The following KSR1 variants were observed in gnomAD, a reference collection of about 807,000 sequenced individuals.
The protein encoded by KSR1 is kinase suppressor of ras.
Under a neutral mutation model 92.9 loss-of-function variants are expected in KSR1, and 35 were observed. That is an observed-to-expected ratio of 0.38 (90% CI 0.29 to 0.50). KSR1 has a LOEUF of 0.50. Ranked by LOEUF, KSR1 falls within the 20% of genes least tolerant of loss-of-function variation. The probability of loss-of-function intolerance (pLI) is 0.94; values close to 1 mark genes in which losing one functional copy is unlikely to be tolerated. For missense variants in KSR1, 972 were observed against 1,158.5 expected, an observed-to-expected ratio of 0.84 and a Z score of 2.34; for synonymous variants, 467 against 472.6, an observed-to-expected ratio of 0.99 and a Z score of 0.15.
At chr17:27,470,082 G>A (rs960756126) in intron 1 of KSR1, among the ~76,000 whole-genome samples, 1 of 146,600 alleles carries the variant, frequency 6.8e-6, no homozygotes, top group African/African-American at 2.6e-5. Flanking sequence ...TTGAGGCGGA[G>A]TATCGCTCTG....
In KSR1 at chr17:27,499,148, C is replaced by G. The variant is rs536081804; in HGVS notation, c.231+42274C>G. Among the ~76,000 whole-genome samples the G allele has an allele frequency of 1.5e-4, 23 of 152,262 alleles. No individual in the cohort carries two copies. The East Asian group carries it at 3.5e-3, about 23-fold the overall frequency. ...CAAGAGGAACAAGGGTGCGATCAGC[C>G]TGAGGCAGAAGCCAAGCAATACACC... On this transcript the variant is annotated intron_variant, in intron 1 of 20. Coordinates refer to ENST00000644974, the MANE Select transcript of KSR1 (RefSeq NM_001394583.1).
chr17:27,482,052 C>G (rs919971514), intron 1 of KSR1, among the ~76,000 whole-genome samples: 1 of 152,072 alleles, frequency 6.6e-6, no homozygotes, highest in African/African-American at 2.4e-5. Flanking sequence ...AATGTTATAG[C>G]GCATGCCAGC....
intron 1 of KSR1, among the ~76,000 whole-genome samples, chr17:27,517,847 G>A (rs570803252): frequency 6.6e-6 from 1 of 152,170 alleles, no homozygotes; most frequent in Non-Finnish European, 1.5e-5. Context: ...TAATTGTGGG[G>A]GTTGTAAGCT....
intron 2 of KSR1, among the ~76,000 whole-genome samples, chr17:27,554,684 T>C (rs1258138910): frequency 6.6e-6 from 1 of 152,208 alleles, no homozygotes. Context: ...TCATTATATA[T>C]TACAATGTAA....
At position 27,597,461 on chromosome 17, in the gene KSR1, G is replaced by T. The variant is rs748840122; in HGVS notation, c.1468+25G>T. The T allele has an allele frequency of 4.5e-5, 71 of 1,577,450 alleles. 1 individual carries two copies. In the South Asian group the frequency reaches 5.4e-4, roughly 12 times the overall value. ...GGTACCACATCTCCAGGCTTTTCTGGGTTCTAAGGGATACAGTCAGATCCC... is the reference window on the plus strand; with the variant it reads ...GGTACCACATCTCCAGGCTTTTCTGTGTTCTAAGGGATACAGTCAGATCCC... On this transcript the variant is annotated intron_variant, in intron 10 of 20. Coordinates refer to ENST00000644974, the MANE Select transcript of KSR1 (RefSeq NM_001394583.1).
intron 1 of KSR1, among the ~76,000 whole-genome samples, chr17:27,542,883 A>G (rs1009376141): frequency 7.2e-5 from 11 of 152,194 alleles, no homozygotes; most frequent in African/African-American, 2.4e-4. Flanking sequence ...GACTAAGATG[A>G]TATGATCTAG....
intron 1 of KSR1, among the ~76,000 whole-genome samples, chr17:27,506,266 T>G (rs536055015): frequency 8.7e-4 from 132 of 152,350 alleles, no homozygotes; most frequent in African/African-American, 2.9e-3. Context: ...TGGACCATCT[T>G]GCTTAAGTGA....
chr17:27,621,161 C>T lies in KSR1; in HGVS notation c.2628-32C>T, dbSNP rs545253293. 4.9e-3 allele frequency: 1,959 copies of T among 398,704 alleles called. 6 individuals carry two copies. Among genetic ancestry groups the T allele is most frequent in the Non-Finnish European group, 7.0e-3 (1,573 of 226,106 alleles). The allele number at this position is 398,704 out of a possible 1,614,324, so 24.7% of individuals were successfully genotyped here. Reference sequence around the variant, plus strand: ...CCGGGGCCGGACTGCGCTCTTCCCACGCCTGGTGGAATGGTCGCTGGGCAC... The same window carrying T: ...CCGGGGCCGGACTGCGCTCTTCCCATGCCTGGTGGAATGGTCGCTGGGCAC... On this transcript the variant is annotated intron_variant, in intron 19 of 20. Transcript: ENST00000644974.
Position 27,577,239 on chromosome 17 carries a change from G to A in KSR1, c.373-253G>A, listed in dbSNP as rs560059375. Among the ~76,000 whole-genome samples, 3 of 152,098 alleles carry A rather than the reference G, an allele frequency of 2.0e-5. No homozygotes were observed. The highest frequency in any genetic ancestry group is 2.9e-5 in the Non-Finnish European group (2 of 68,006). ...GAAACAAGCTGGGCAACATGCCCTC[G>A]TCCAAACCTTTCTGGTCTTTACTTC... On this transcript the variant is annotated intron_variant, in intron 2 of 20. Coordinates refer to ENST00000644974, the MANE Select transcript of KSR1 (RefSeq NM_001394583.1). This position sits in a 1 kb window ranked among gnomAD's most constrained non-coding sequence, Gnocchi z 4.5.
At chr17:27,498,028 C>A (rs982250213) in intron 1 of KSR1, among the ~76,000 whole-genome samples, 4 of 152,138 alleles carry the variant, frequency 2.6e-5, no homozygotes, top group African/African-American at 9.7e-5. Flanking sequence ...TAATATTTTA[C>A]CCTTAAAAAT....
At chr17:27,555,245 T>C (rs980537469) in intron 2 of KSR1, among the ~76,000 whole-genome samples, 4 of 152,180 alleles carry the variant, frequency 2.6e-5, no homozygotes, top group African/African-American at 9.7e-5. Flanking sequence ...GTAGGTGGGT[T>C]AAGCTCCATC....
At chr17:27,502,819 A>G (rs2069239515) in intron 1 of KSR1, among the ~76,000 whole-genome samples, 1 of 152,180 alleles carries the variant, frequency 6.6e-6, no homozygotes, top group Non-Finnish European at 1.5e-5. Flanking sequence ...GGCCAGGATG[A>G]CCTTGGGCCA....
chr17:27,591,616 A>G (rs1261636503), intron 7 of KSR1, among the ~76,000 whole-genome samples: 1 of 152,220 alleles, frequency 6.6e-6, no homozygotes, highest in Admixed American at 6.5e-5. Flanking sequence ...TCTTGTGCAT[A>G]TCAGCTGGAC....
intron 2 of KSR1, among the ~76,000 whole-genome samples, chr17:27,567,786 C>T (rs557692667): frequency 1.3e-5 from 2 of 152,312 alleles, no homozygotes; most frequent in East Asian, 1.9e-4. Flanking sequence ...TATATCCTGG[C>T]GTTGGTTACT....
chr17:27,600,188 A>G (rs2073504214), intron 10 of KSR1, among the ~76,000 whole-genome samples: 2 of 147,932 alleles, frequency 1.4e-5, no homozygotes. Flanking sequence ...TAATCCCAGC[A>G]CTTTGGGAGG....
chr17:27,488,041 C>T (rs1354103149), intron 1 of KSR1, among the ~76,000 whole-genome samples: 5 of 152,204 alleles, frequency 3.3e-5, no homozygotes, highest in Non-Finnish European at 7.3e-5. Context: ...ATATCACATA[C>T]CCAGTCCCAC....
intron 1 of KSR1, among the ~76,000 whole-genome samples, chr17:27,525,175 G>A (rs537027320): frequency 6.6e-6 from 1 of 152,336 alleles, no homozygotes; most frequent in Non-Finnish European, 1.5e-5. Context: ...CAGGTGGCCT[G>A]GGTTCAGATT....
rs2071746796 is a variant in KSR1 at position 27,559,798 on chromosome 17, G to A, written c.372+9090G>A. Among the ~76,000 whole-genome samples, 3 of 152,238 alleles carry A rather than the reference G, an allele frequency of 2.0e-5. No homozygotes were observed. The highest frequency in any genetic ancestry group is 2.0e-4 in the Admixed American group (3 of 15,288). ...GAAGAATATCTGCAGAGACCCTGAG[G>A]ATGAGGAAATCAGAGCGCTTGTGAA... On this transcript the variant is annotated intron_variant, in intron 2 of 20. Transcript: ENST00000644974. The surrounding 1 kb of genome is among the most constrained non-coding windows in gnomAD (Gnocchi z 4.2).
chr17:27,517,554 C>A (rs1462491824), intron 1 of KSR1, among the ~76,000 whole-genome samples: 1 of 152,148 alleles, frequency 6.6e-6, no homozygotes, highest in Non-Finnish European at 1.5e-5. Context: ...CCTTGGCCTC[C>A]CAAAATGATG....
Sources: gnomAD v4.1 joint callset for allele counts (sites outside exome capture counted in the v4.1 genomes callset) on GRCh38, gnomAD v4.1.1 for gene constraint, Gnocchi (gnomAD v3.1) non-coding constraint, MANE v1.5 for transcripts, NCBI Gene and HGNC (gene_info 2026-07-23, HGNC 2026-07-21) for gene names.